The following C9 variants were observed in gnomAD, a reference collection of about 807,000 sequenced individuals.
The protein encoded by C9 is complement component C9.
Under a neutral mutation model 65.4 loss-of-function variants are expected in C9, and 63 were observed. The ratio of observed to expected loss-of-function variants is 0.96; its 90% CI spans 0.79 to 1.19. C9 has a LOEUF of 1.19. C9 is among the 50% of genes most tolerant of loss of function. The pLI is 0.00. For synonymous variants in C9, 229 were observed against 227.9 expected, an observed-to-expected ratio of 1.00 and a Z score of -0.04; for missense variants, 744 against 670.1, an observed-to-expected ratio of 1.11 and a Z score of -1.22.
chr5:39,334,403 C>A (rs1333212691), intron 4 of C9, among the ~76,000 whole-genome samples: 1 of 149,114 alleles, frequency 6.7e-6, no homozygotes, highest in Non-Finnish European at 1.5e-5. Flanking sequence ...AAGTGAGGAG[C>A]CCCTCCGCCC....
intron 3 of C9, 43 bp downstream of exon 3, chr5:39,341,513 G>T (rs1481704963): frequency 6.2e-7 from 1 of 1,602,384 alleles, no homozygotes; most frequent in Non-Finnish European, 8.6e-7. Flanking sequence ...ATTCAGGAAG[G>T]CACACAGAAA....
intron 8 of C9, among the ~76,000 whole-genome samples, chr5:39,307,472 C>T (rs897491360): frequency 1.3e-5 from 2 of 152,004 alleles, no homozygotes; most frequent in Non-Finnish European, 2.9e-5. Context: ...GAAATTATAC[C>T]GTATAATGGC....
intron 7 of C9, 128 bp downstream of exon 7, chr5:39,311,009 A>T: frequency 9.9e-7 from 1 of 1,007,924 alleles, no homozygotes; most frequent in African/African-American, 1.6e-5. Context: ...GCAGGAAGAG[A>T]GTCCTCTCAA....
At chr5:39,301,957 A>G (rs1753291445) in intron 9 of C9, among the ~76,000 whole-genome samples, 1 of 152,058 alleles carries the variant, frequency 6.6e-6, no homozygotes, top group Non-Finnish European at 1.5e-5. Flanking sequence ...CATGTGGTAG[A>G]ATTATTTTGA....
At chr5:39,297,263 C>G (rs553303901) in intron 9 of C9, among the ~76,000 whole-genome samples, 1 of 151,188 alleles carries the variant, frequency 6.6e-6, no homozygotes, top group African/African-American at 2.4e-5. Context: ...CACTATGTAC[C>G]CCATAAGTAT....
At chr5:39,323,910 G>C (rs936653619) in intron 5 of C9, among the ~76,000 whole-genome samples, 1 of 151,894 alleles carries the variant, frequency 6.6e-6, no homozygotes, top group African/African-American at 2.4e-5. Context: ...AAACCCTAAA[G>C]ACACCACCCA....
intron 10 of C9, among the ~76,000 whole-genome samples, chr5:39,287,260 G>T (rs1265339612): frequency 6.6e-6 from 1 of 151,830 alleles, no homozygotes; most frequent in Admixed American, 6.6e-5. Flanking sequence ...TAAATTATTT[G>T]TCTAGGCCAA....
rs1491112237 is a variant in C9 at position 39,359,007 on chromosome 5, A to AT, written c.77+5380dup. Among the ~76,000 whole-genome samples the AT allele has an allele frequency of 2.5e-3, 133 of 53,688 alleles. 1 individual carries two copies. Among genetic ancestry groups the AT allele is most frequent in the African/African-American group, 0.012 (130 of 10,480 alleles). 35.2% of individuals were successfully genotyped at this position (53,688 alleles called of 152,430 possible). On this transcript the variant is annotated intron_variant, in intron 1 of 10. Transcript: ENST00000263408. ...CTCAAAAAAATAAATAAATAAATAA[A>AT]TAAATAAAAAATATATATATATATA...
rs188870716 is a variant in C9, at chr5:39,292,049, T to C, written c.1417-3098A>G. On this transcript the variant is annotated intron_variant, in intron 9 of 10. Coordinates refer to ENST00000263408, the MANE Select transcript of C9 (RefSeq NM_001737.5). ...AGAGGGGGAGAGAAAGAGAATGTGA[T>C]TGTGGCAGAAGAAATATTTGAAGAT... Among the ~76,000 whole-genome samples, 688 of 151,810 alleles carry C rather than the reference T, an allele frequency of 4.5e-3. 6 individuals are homozygous for C. Among genetic ancestry groups the C allele is most frequent in the African/African-American group, 0.015 (616 of 41,436 alleles).
intron 1 of C9, among the ~76,000 whole-genome samples, chr5:39,359,965 A>T (rs2111991079): frequency 6.6e-6 from 1 of 152,374 alleles, no homozygotes; most frequent in African/African-American, 2.4e-5. Context: ...AATGTAGTTC[A>T]TAAATAAATA....
intron 1 of C9, among the ~76,000 whole-genome samples, chr5:39,350,845 C>G (rs944759508): frequency 6.6e-6 from 1 of 152,164 alleles, no homozygotes; most frequent in African/African-American, 2.4e-5. Context: ...AATCTGGGGT[C>G]TGGAGGATGG....
At chr5:39,346,452 T>C (rs550905017) in intron 1 of C9, among the ~76,000 whole-genome samples, 1,680 of 151,890 alleles carry the variant, frequency 0.011, 32 homozygotes, top group African/African-American at 0.038. Flanking sequence ...ACACATACAC[T>C]CTCCCAAGAC....
chr5:39,348,561 A>G (rs1462139896), intron 1 of C9, among the ~76,000 whole-genome samples: 1 of 152,204 alleles, frequency 6.6e-6, no homozygotes, highest in Non-Finnish European at 1.5e-5. Context: ...GAACACTTTT[A>G]CACTGTTGGT....
Position 39,301,270 on chromosome 5 carries a change from G to C in C9, c.1416+5347C>G, listed in dbSNP as rs184935158. On this transcript the variant is annotated intron_variant, in intron 9 of 10. Coordinates refer to ENST00000263408, the MANE Select transcript of C9 (RefSeq NM_001737.5). ...AGACATTTGACGTGATAACTGACCA[G>C]TCCTCATAAAAAGTGTCAAGGTTGA... is the stretch of plus-strand genomic sequence containing the variant. 7.4e-4 allele frequency among the ~76,000 whole-genome samples: 113 copies of C among 152,062 alleles called. 1 individual carries two copies. The highest frequency in any genetic ancestry group is 2.6e-3 in the African/African-American group (107 of 41,506).
At chr5:39,287,360 T>G (rs547429736) in intron 10 of C9, among the ~76,000 whole-genome samples, 154 of 152,018 alleles carry the variant, frequency 1.0e-3, no homozygotes, top group African/African-American at 3.6e-3. Flanking sequence ...CAAGTTAATT[T>G]TTGTATATGG....
intron 4 of C9, among the ~76,000 whole-genome samples, chr5:39,340,462 T>C (rs1273159259): frequency 6.6e-6 from 1 of 152,184 alleles, no homozygotes; most frequent in East Asian, 1.9e-4. Flanking sequence ...TGACTATGTA[T>C]GGAACAGAAC....
At position 39,331,774 on chromosome 5, in the gene C9, C is replaced by A; in HGVS notation, c.517G>T (p.Asp173Tyr). The change falls in exon 5 of 11, where the codon GAC (aspartate) becomes TAC (tyrosine). Residue 173 changes from aspartate (D) to tyrosine (Y), a missense_variant. Physicochemically the swap from Asp to Tyr is radical, Grantham distance 160. Coordinates refer to ENST00000263408, the MANE Select transcript of C9 (RefSeq NM_001737.5). ...LGMDPLSTPF[D>Y]NEFYNGLCNR... ...CAGAGTCCATTGTAGAACTCATTGT[C>A]AAAAGGTGTGCTTAGGGGATCCATC... 4 of 1,613,212 alleles carry A rather than the reference C, an allele frequency of 2.5e-6. No individual in the cohort carries two copies. Among genetic ancestry groups the A allele is most frequent in the Non-Finnish European group, 3.4e-6 (4 of 1,179,206 alleles).
At chr5:39,315,272 CA>C (rs1164065002) in intron 6 of C9, among the ~76,000 whole-genome samples, 1 of 152,084 alleles carries the variant, frequency 6.6e-6, no homozygotes, top group Non-Finnish European at 1.5e-5. Flanking sequence ...GAACAAACTT[CA>C]AAATCTGGTT....
At chr5:39,301,192 T>C (rs1304062037) in intron 9 of C9, among the ~76,000 whole-genome samples, 2 of 152,128 alleles carry the variant, frequency 1.3e-5, no homozygotes, top group Non-Finnish European at 2.9e-5. Context: ...ATTACTTCTG[T>C]AGTATTCTTG....
Sources: gnomAD v4.1 joint callset for allele counts (sites outside exome capture counted in the v4.1 genomes callset) on GRCh38, gnomAD v4.1.1 for gene constraint, MANE v1.5 for transcripts, NCBI Gene and HGNC (gene_info 2026-07-23, HGNC 2026-07-21) for gene names.